The following STARD13 variants were observed in gnomAD, a reference collection of about 807,000 sequenced individuals.
STARD13 encodes stAR-related lipid transfer protein 13.
In STARD13, 62 loss-of-function variants were observed where a neutral mutation model predicts 106.4. That is an observed-to-expected ratio of 0.58 (90% CI 0.48 to 0.72). STARD13 has a LOEUF of 0.72. STARD13 is among the 30% of genes least tolerant of loss of function. STARD13 has a pLI of 0.00. For synonymous variants in STARD13, 565 were observed against 553.0 expected (o/e 1.02, Z -0.31); for missense variants, 1,387 against 1,424.0 (o/e 0.97, Z 0.42).
At chr13:33,205,162 C>T (rs1239503724) in intron 1 of STARD13, among the ~76,000 whole-genome samples, 1 of 152,214 alleles carries the variant, frequency 6.6e-6, no homozygotes, top group Non-Finnish European at 1.5e-5. Flanking sequence ...CCAAGTCCAA[C>T]TTTGAAAACG....
the STARD13 span, among the ~76,000 whole-genome samples, chr13:33,561,397 T>C: frequency 6.6e-6 from 1 of 151,790 alleles, no homozygotes; most frequent in East Asian, 1.9e-4. Context: ...TGTTTTTCCC[T>C]GATAGACTCT....
intron 4 of STARD13, among the ~76,000 whole-genome samples, chr13:33,140,250 T>G (rs575790660): frequency 6.6e-6 from 1 of 152,316 alleles, no homozygotes; most frequent in African/African-American, 2.4e-5. Context: ...TTTTGGCATT[T>G]TCTTTTGTGA....
the STARD13 span, among the ~76,000 whole-genome samples, chr13:33,479,685 G>A: frequency 1.6e-3 from 242 of 152,308 alleles, no homozygotes; most frequent in African/African-American, 5.4e-3. Context: ...AGTGTTGGAG[G>A]TGGCATCTGG....
chr13:33,459,225 G>A, the STARD13 span, among the ~76,000 whole-genome samples: 1 of 152,052 alleles, frequency 6.6e-6, no homozygotes, highest in African/African-American at 2.4e-5. Flanking sequence ...GTTTCCTCAT[G>A]CCCCTTTTCC....
At chr13:33,563,529 A>C in the STARD13 span, among the ~76,000 whole-genome samples, 12 of 147,590 alleles carry the variant, frequency 8.1e-5, 1 homozygote, top group Non-Finnish European at 1.6e-4. Flanking sequence ...AACCATACAC[A>C]AAATAATGAA....
the STARD13 span, among the ~76,000 whole-genome samples, chr13:33,436,057 C>T: frequency 2.4e-4 from 36 of 152,230 alleles, no homozygotes; most frequent in South Asian, 6.8e-3. Context: ...CCTAACAAAA[C>T]GCCATAACAC....
At chr13:33,455,364 T>C in the STARD13 span, among the ~76,000 whole-genome samples, 1 of 152,192 alleles carries the variant, frequency 6.6e-6, no homozygotes, top group Non-Finnish European at 1.5e-5. Context: ...TATAGTTCTC[T>C]AACACAAAAG....
At chr13:33,216,922 C>A (rs1057153291) in intron 1 of STARD13, among the ~76,000 whole-genome samples, 1 of 152,112 alleles carries the variant, frequency 6.6e-6, no homozygotes, top group African/African-American at 2.4e-5. Context: ...CCTGGCCCAT[C>A]CCTTGGAACA....
intron 1 of STARD13, among the ~76,000 whole-genome samples, chr13:33,196,367 G>A (rs1207843584): frequency 6.6e-6 from 1 of 152,178 alleles, no homozygotes; most frequent in Non-Finnish European, 1.5e-5. Flanking sequence ...ACAATGAAGC[G>A]AGACTCTGTC....
At chr13:33,429,425 G>T in the STARD13 span, among the ~76,000 whole-genome samples, 1 of 151,774 alleles carries the variant, frequency 6.6e-6, no homozygotes, top group African/African-American at 2.4e-5. Flanking sequence ...TGAAACCCCG[G>T]TTCTACTAAA....
chr13:33,309,852 G>C (rs993764881), intron 1 of STARD13, among the ~76,000 whole-genome samples: 1 of 152,170 alleles, frequency 6.6e-6, no homozygotes, highest in Non-Finnish European at 1.5e-5. Flanking sequence ...AGAGGGATTG[G>C]GGATGGGGAA....
At chr13:33,484,996 C>T in the STARD13 span, among the ~76,000 whole-genome samples, 3 of 152,284 alleles carry the variant, frequency 2.0e-5, 1 homozygote, top group East Asian at 5.8e-4. Context: ...TTTGAAACAA[C>T]TAGAATAAGT....
chr13:33,263,698 G>A (rs74045770), intron 1 of STARD13, among the ~76,000 whole-genome samples: 5 of 152,226 alleles, frequency 3.3e-5, no homozygotes, highest in African/African-American at 1.2e-4. Flanking sequence ...AATGTCACCC[G>A]AGCACTCTCT....
At chr13:33,468,331 T>G in the STARD13 span, among the ~76,000 whole-genome samples, 2 of 152,238 alleles carry the variant, frequency 1.3e-5, 1 homozygote, top group South Asian at 4.1e-4. Flanking sequence ...CTTCATCCAA[T>G]TAATCTATTG....
chr13:33,648,749 A>G, the STARD13 span, among the ~76,000 whole-genome samples: 1 of 136,402 alleles, frequency 7.3e-6, no homozygotes, highest in Non-Finnish European at 1.6e-5. Context: ...TCTTAGCAAT[A>G]GTTTTTATGA....
intron 1 of STARD13, among the ~76,000 whole-genome samples, chr13:33,342,368 A>G (rs572951965): frequency 6.6e-6 from 1 of 152,336 alleles, no homozygotes; most frequent in South Asian, 2.1e-4. Context: ...AGGAGTGCTC[A>G]TGCTAAAAAC....
chr13:33,247,752 T>C (rs1889902203), intron 1 of STARD13, among the ~76,000 whole-genome samples: 1 of 152,208 alleles, frequency 6.6e-6, no homozygotes, highest in Admixed American at 6.5e-5. Flanking sequence ...CTCACTCTAC[T>C]GCTATCGCCC....
the STARD13 span, among the ~76,000 whole-genome samples, chr13:33,625,292 C>A: frequency 6.6e-6 from 1 of 152,166 alleles, no homozygotes; most frequent in Non-Finnish European, 1.5e-5. Context: ...GTAGTCAAGT[C>A]CGGGTGTGGT....
chr13:33,504,178 A>C, the STARD13 span, among the ~76,000 whole-genome samples: 13 of 152,186 alleles, frequency 8.5e-5, no homozygotes, highest in Admixed American at 8.5e-4. Context: ...TAGTTCAACC[A>C]TTATGGAAGA....
Sources: gnomAD v4.1 joint callset for allele counts (sites outside exome capture counted in the v4.1 genomes callset) on GRCh38, gnomAD v4.1.1 for gene constraint, MANE v1.5 for transcripts, NCBI Gene and HGNC (gene_info 2026-07-23, HGNC 2026-07-21) for gene names.